Variants in SOX5 observed in about 807,000 individuals in gnomAD.
SOX5 encodes the protein transcription factor SOX-5.
SOX5 carries 9 observed loss-of-function variants against 92.0 expected under a neutral mutation model. The observed-to-expected ratio is 0.10, with a 90% CI of 0.06 to 0.17. The LOEUF (loss-of-function observed/expected upper bound fraction) is 0.17, where lower values mean the gene tolerates loss of function less well. SOX5 is among the 10% of genes least tolerant of loss of function. The probability of loss-of-function intolerance (pLI) is 1.00; values close to 1 mark genes in which losing one functional copy is unlikely to be tolerated. For missense variants in SOX5, 642 were observed against 944.5 expected (o/e 0.68, Z 4.20); for synonymous variants, 344 against 336.3 (o/e 1.02, Z -0.25).
At chr12:24,103,311 T>G (rs776994770) in intron 4 of SOX5, among the ~76,000 whole-genome samples, 3 of 152,028 alleles carry the variant, frequency 2.0e-5, no homozygotes, top group Non-Finnish European at 4.4e-5. Flanking sequence ...TTCTTGGCTT[T>G]CAGGATCTCA....
At chr12:23,709,293 G>A (rs2091794863) in intron 6 of SOX5, among the ~76,000 whole-genome samples, 1 of 151,900 alleles carries the variant, frequency 6.6e-6, no homozygotes, top group Non-Finnish European at 1.5e-5. Flanking sequence ...TTGTGGAGAT[G>A]GGGATCTCCC....
intron 1 of SOX5, among the ~76,000 whole-genome samples, chr12:24,527,659 A>C (rs1321009638): frequency 6.6e-6 from 1 of 152,194 alleles, no homozygotes; most frequent in African/African-American, 2.4e-5. Flanking sequence ...TAATCAAAAG[A>C]AAATAGTTGC....
At chr12:23,624,201 T>G (rs1167670114) in intron 8 of SOX5, among the ~76,000 whole-genome samples, 3 of 151,412 alleles carry the variant, frequency 2.0e-5, no homozygotes, top group Non-Finnish European at 4.4e-5. Flanking sequence ...GAATGAGGAG[T>G]TGTTGAAAAA....
chr12:23,534,542 C>T lies in SOX5; in HGVS notation c.1989-20G>A. 1 of 1,594,232 alleles carries T rather than the reference C, an allele frequency of 6.3e-7. No individual in the cohort carries two copies. Among genetic ancestry groups the T allele is most frequent in the Non-Finnish European group, 8.5e-7 (1 of 1,170,306 alleles). ...TGTTGCCTGTCAAGAAAGGAATTTC[C>T]AAAAAGACATCGTGGGTAAGTGAAT... On this transcript the variant is annotated intron_variant, in intron 14 of 14. Transcript: ENST00000451604.
At chr12:24,407,258 A>G (rs886405673) in intron 1 of SOX5, among the ~76,000 whole-genome samples, 1 of 152,148 alleles carries the variant, frequency 6.6e-6, no homozygotes, top group African/African-American at 2.4e-5. Flanking sequence ...GTCCACAAGT[A>G]CTGACAAGAG....
At chr12:24,367,151 G>T (rs1956256620) in intron 2 of SOX5, among the ~76,000 whole-genome samples, 1 of 151,984 alleles carries the variant, frequency 6.6e-6, no homozygotes, top group Admixed American at 6.5e-5. Context: ...ATAATTATGG[G>T]GCCCCTAAAA....
intron 7 of SOX5, among the ~76,000 whole-genome samples, chr12:23,641,345 T>C (rs971574836): frequency 6.6e-6 from 1 of 152,242 alleles, no homozygotes; most frequent in Admixed American, 6.5e-5. Context: ...TGAAATGCTA[T>C]GTTACGGTCT....
rs1433533821 is a variant in SOX5, at chr12:23,530,821, G to GCGCGCGCA, written c.*3397_*3398insTGCGCGCG. On this transcript the variant is annotated 3_prime_UTR_variant, in exon 15 of 15. Coordinates refer to ENST00000451604, the MANE Select transcript of SOX5 (RefSeq NM_006940.6). ...CAAGTGTGTGTGTGTGTGTGTGTGC[G>GCGCGCGCA]CGCGCGCGCGCGCGCATGTGAGAGA... 5 of 140,654 alleles carry GCGCGCGCA rather than the reference G, an allele frequency of 3.6e-5. No homozygotes were observed. The highest frequency in any genetic ancestry group is 2.3e-4 in the South Asian group (1 of 4,422). The allele number at this position is 140,654 out of a possible 1,614,324, so 8.7% of individuals were successfully genotyped here.
At chr12:23,904,313 C>T (rs2097268007) in intron 1 of SOX5, among the ~76,000 whole-genome samples, 4 of 149,950 alleles carry the variant, frequency 2.7e-5, no homozygotes, top group Non-Finnish European at 5.9e-5. Flanking sequence ...TACTTCTCTA[C>T]CCATTTCTTC....
chr12:23,790,880 AG>A lies in SOX5; in HGVS notation c.482-35157del, dbSNP rs566996907. ...TTTAATATTTACACCCCGCTCTATA[AG>A]GTAGACAATTAATATTCCATTAAAA... On this transcript the variant is annotated intron_variant, in intron 3 of 14. Transcript: ENST00000451604. Among the ~76,000 whole-genome samples the A allele has an allele frequency of 2.2e-3, 342 of 152,302 alleles. 2 individuals are homozygous for A. The highest frequency in any genetic ancestry group is 8.0e-3 in the African/African-American group (332 of 41,576).
chr12:23,650,069 T>C (rs888901257), intron 7 of SOX5, among the ~76,000 whole-genome samples: 2 of 152,092 alleles, frequency 1.3e-5, no homozygotes, highest in East Asian at 1.9e-4. Context: ...CTGTAGGTGC[T>C]GGGAAATATG....
intron 2 of SOX5, among the ~76,000 whole-genome samples, chr12:23,849,786 A>T (rs2096611481): frequency 1.3e-5 from 2 of 152,176 alleles, no homozygotes; most frequent in Admixed American, 6.5e-5. Flanking sequence ...TTTTAAAATA[A>T]ATTTTAATGT....
chr12:24,443,135 A>G, intron 1 of SOX5, among the ~76,000 whole-genome samples: 1 of 151,998 alleles, frequency 6.6e-6, no homozygotes, highest in East Asian at 1.9e-4. Context: ...GTATTTTAGT[A>G]GAGATGGGGT....
At chr12:24,372,984 G>A (rs540380027) in intron 1 of SOX5, among the ~76,000 whole-genome samples, 3 of 151,670 alleles carry the variant, frequency 2.0e-5, no homozygotes, top group South Asian at 2.1e-4. Flanking sequence ...TGGGTGTGGC[G>A]GCACAGGCCT....
At chr12:24,038,452 C>G (rs17404747) in intron 4 of SOX5, among the ~76,000 whole-genome samples, 2 of 152,078 alleles carry the variant, frequency 1.3e-5, no homozygotes, top group African/African-American at 4.8e-5. Context: ...GGGAAGTTCC[C>G]GTGTCAGTTC....
intron 4 of SOX5, among the ~76,000 whole-genome samples, chr12:24,146,633 A>C (rs748496591): frequency 6.6e-6 from 1 of 152,042 alleles, no homozygotes; most frequent in Non-Finnish European, 1.5e-5. Context: ...AAATTCAATG[A>C]AACAAAAAAT....
intron 1 of SOX5, among the ~76,000 whole-genome samples, chr12:24,536,574 T>C (rs1352057472): frequency 6.6e-6 from 1 of 152,208 alleles, no homozygotes; most frequent in East Asian, 1.9e-4. Context: ...ACAGTTTAGA[T>C]AGTAAATAAA....
chr12:24,462,170 G>A (rs972854603), intron 1 of SOX5, among the ~76,000 whole-genome samples: 1 of 152,154 alleles, frequency 6.6e-6, no homozygotes, highest in Admixed American at 6.5e-5. Context: ...ACATACCTAA[G>A]CTATATGGCG....
intron 1 of SOX5, among the ~76,000 whole-genome samples, chr12:24,419,157 T>C (rs1054470818): frequency 6.6e-6 from 1 of 152,208 alleles, no homozygotes; most frequent in African/African-American, 2.4e-5. Context: ...AGTCTTGCTC[T>C]GTCACCAAGG....
Sources: gnomAD v4.1 joint callset for allele counts (sites outside exome capture counted in the v4.1 genomes callset) on GRCh38, gnomAD v4.1.1 for gene constraint, MANE v1.5 for transcripts, NCBI Gene and HGNC (gene_info 2026-07-23, HGNC 2026-07-21) for gene names.